Variants in DCX observed in about 807,000 individuals in gnomAD.
DCX encodes the protein doublecortin, also known as neuronal migration protein doublecortin.
DCX carries 4 observed loss-of-function variants against 20.9 expected under a neutral mutation model. The observed-to-expected ratio is 0.19, with a 90% CI of 0.09 to 0.44. The LOEUF (loss-of-function observed/expected upper bound fraction) is 0.44, where lower values mean the gene tolerates loss of function less well. Ranked by LOEUF, DCX falls within the 20% of genes least tolerant of loss-of-function variation. The probability of loss-of-function intolerance (pLI) is 0.99; values close to 1 mark genes in which losing one functional copy is unlikely to be tolerated. For synonymous variants in DCX, 103 were observed against 111.4 expected (o/e 0.92, Z 0.47); for missense variants, 133 against 296.9 (o/e 0.45, Z 4.06).
rs1184034343 is a variant in DCX, at chrX:111,299,758, T to C, written c.*1929A>G. ...GGGGGCAAAAAGAGATCCTCATCAT[T>C]TGGGGTTCTTCAATTTCACCAGAAA... is the stretch of plus-strand genomic sequence containing the variant. On this transcript the variant is annotated 3_prime_UTR_variant, in exon 7 of 7. Coordinates refer to ENST00000636035, the MANE Select transcript of DCX (RefSeq NM_001195553.2). 3 of 111,466 alleles carry C rather than the reference T, an allele frequency of 2.7e-5. No individual in the cohort carries two copies. Among genetic ancestry groups the C allele is most frequent in the African/African-American group, 9.8e-5 (3 of 30,645 alleles). The allele number at this position is 111,466 out of a possible 1,213,427, so 9.2% of individuals were successfully genotyped here. A position where few individuals can be genotyped will look rare whatever the true frequency, so the allele number is the denominator to read the frequency against.
rs181927442 is a variant in DCX, at chrX:111,393,913, G to A, written c.705+7077C>T. On this transcript the variant is annotated intron_variant, in intron 3 of 6. Coordinates refer to ENST00000636035, the MANE Select transcript of DCX (RefSeq NM_001195553.2). The stretch of plus-strand genomic sequence containing the variant: ...AATACGAATAAGGATGGAAAATGGT[G>A]CAGCCACTTTGGAAAACCATTTGAC... Among the ~76,000 whole-genome samples the A allele has an allele frequency of 1.5e-3, 167 of 111,175 alleles. 1 individual carries two copies. Among genetic ancestry groups the A allele is most frequent in the African/African-American group, 5.2e-3 (159 of 30,698 alleles).
At chrX:111,353,849 C>T (rs989296921) in intron 3 of DCX, among the ~76,000 whole-genome samples, 3 of 111,678 alleles carry the variant, frequency 2.7e-5, no homozygotes, top group African/African-American at 9.8e-5. Context: ...ACTTCTGTTA[C>T]AATTTAATTC....
At chrX:111,351,486 C>T (rs1352180021) in intron 3 of DCX, among the ~76,000 whole-genome samples, 2 of 112,259 alleles carry the variant, frequency 1.8e-5, no homozygotes, top group African/African-American at 3.2e-5. Context: ...AGCATGTAAA[C>T]CATCTATTAA....
chrX:111,387,903 C>T (rs779814932), intron 3 of DCX, among the ~76,000 whole-genome samples: 1 of 111,303 alleles, frequency 9.0e-6, no homozygotes, highest in East Asian at 2.9e-4. Flanking sequence ...GGAGAAGTAT[C>T]GGCTTGGTGC....
At chrX:111,328,711 A>G (rs1434287750) in intron 5 of DCX, among the ~76,000 whole-genome samples, 1 of 111,723 alleles carries the variant, frequency 9.0e-6, no homozygotes, top group Non-Finnish European at 1.9e-5. Context: ...TGGAGACTAG[A>G]TCACAAAAGG....
chrX:111,408,851 C>G (rs2147274360), intron 2 of DCX, among the ~76,000 whole-genome samples: 1 of 111,653 alleles, frequency 9.0e-6, no homozygotes, highest in South Asian at 3.8e-4. Flanking sequence ...CCTCATTCTC[C>G]TTTGTCTAGG....
chrX:111,328,138 T>C (rs1344050292), intron 5 of DCX, among the ~76,000 whole-genome samples: 1 of 112,212 alleles, frequency 8.9e-6, no homozygotes, highest in Non-Finnish European at 1.9e-5. Flanking sequence ...GCCAAGCAAA[T>C]TCCCCTCATA....
chrX:111,398,759 C>A (rs989001175), intron 3 of DCX, among the ~76,000 whole-genome samples: 5 of 111,159 alleles, frequency 4.5e-5, no homozygotes, highest in African/African-American at 1.3e-4. Context: ...AAGCAGAATG[C>A]CAAGGCATGG....
chrX:111,396,093 G>A (rs752391619), intron 3 of DCX, among the ~76,000 whole-genome samples: 70 of 112,389 alleles, frequency 6.2e-4, no homozygotes, highest in Non-Finnish European at 2.1e-4. Context: ...AACGTGGAAA[G>A]GGCAAGTCTT....
intron 6 of DCX, among the ~76,000 whole-genome samples, chrX:111,308,778 AT>A (rs1186292427): frequency 8.9e-6 from 1 of 112,060 alleles, no homozygotes; most frequent in Admixed American, 9.5e-5. Context: ...TGCATACAAA[AT>A]GCCTCTAAAT....
intron 3 of DCX, among the ~76,000 whole-genome samples, chrX:111,378,214 T>G (rs1925692380): frequency 8.9e-6 from 1 of 111,986 alleles, no homozygotes; most frequent in Non-Finnish European, 1.9e-5. Context: ...ACCATCTGTA[T>G]TTTTAAAACT....
chrX:111,375,231 C>A (rs865976080), intron 3 of DCX, among the ~76,000 whole-genome samples: 16 of 107,934 alleles, frequency 1.5e-4, no homozygotes, highest in African/African-American at 4.7e-4. Flanking sequence ...AACACACACA[C>A]AAAAAAGGAA....
chrX:111,362,630 G>A (rs1439201378), intron 3 of DCX, among the ~76,000 whole-genome samples: 1 of 111,646 alleles, frequency 9.0e-6, no homozygotes, highest in African/African-American at 3.3e-5. Flanking sequence ...ACCTTCCTAG[G>A]TTAGAAGGCA....
chrX:111,300,547 A>C lies in DCX; in HGVS notation c.*1140T>G, dbSNP rs1381756121. The C allele has an allele frequency of 9.0e-6, 1 of 111,684 alleles. No homozygotes were observed. The highest frequency in any genetic ancestry group is 3.3e-5 in the African/African-American group (1 of 30,657). 9.2% of individuals were successfully genotyped at this position (111,684 alleles called of 1,213,427 possible). Reference sequence around the variant, plus strand: ...TCTATTGAATTGGCCTCTGCTATTCATCTTGTTTTCTCCTGGAGGTTACTG... The same window carrying C: ...TCTATTGAATTGGCCTCTGCTATTCCTCTTGTTTTCTCCTGGAGGTTACTG... On this transcript the variant is annotated 3_prime_UTR_variant, in exon 7 of 7. Coordinates refer to ENST00000636035, the MANE Select transcript of DCX (RefSeq NM_001195553.2).
rs937327472 is a variant in DCX at position 111,304,630 on chromosome X, T to G, written c.1045-2887A>C. The stretch of plus-strand genomic sequence containing the variant: ...GAAACTCCCATTTGCTAGGTTCTTC[T>G]TTTTTTAACCTGACTCAGAGCACAC... On this transcript the variant is annotated intron_variant, in intron 6 of 6. Coordinates refer to ENST00000636035, the MANE Select transcript of DCX (RefSeq NM_001195553.2). 2.0e-4 allele frequency among the ~76,000 whole-genome samples: 22 copies of G among 111,663 alleles called. 1 individual carries two copies. The highest frequency in any genetic ancestry group is 1.5e-3 in the Admixed American group (16 of 10,478).
At position 111,318,288 on chromosome X, in the gene DCX, T is replaced by C. The variant is rs748330237; in HGVS notation, c.947-5552A>G. On this transcript the variant is annotated intron_variant, in intron 5 of 6. Transcript: ENST00000636035. Reference sequence around the variant, plus strand: ...GTGGGAGTGTAAATTACTTCAACCATTGTGAAAAGCAGTGTGGTGGTTCCT... The same window carrying C: ...GTGGGAGTGTAAATTACTTCAACCACTGTGAAAAGCAGTGTGGTGGTTCCT... Among the ~76,000 whole-genome samples the C allele has an allele frequency of 4.1e-4, 43 of 106,087 alleles. No individual in the cohort carries two copies. The East Asian group carries it at 0.012, about 29-fold the overall frequency. 92.1% of individuals were successfully genotyped at this position (106,087 alleles called of 115,157 possible).
At chrX:111,348,684 G>A (rs1923044964) in intron 3 of DCX, among the ~76,000 whole-genome samples, 1 of 110,160 alleles carries the variant, frequency 9.1e-6, no homozygotes, top group African/African-American at 3.3e-5. Context: ...TAAGCCCTAA[G>A]GTTGGCTCTG....
chrX:111,320,432 T>C (rs867929061), intron 5 of DCX, among the ~76,000 whole-genome samples: 55 of 111,850 alleles, frequency 4.9e-4, no homozygotes, highest in African/African-American at 1.6e-3. Context: ...ATTTTAAGAG[T>C]GGCTGGAAAT....
chrX:111,301,432 T>A lies in DCX; in HGVS notation c.*255A>T. On this transcript the variant is annotated 3_prime_UTR_variant, in exon 7 of 7. Coordinates refer to ENST00000636035, the MANE Select transcript of DCX (RefSeq NM_001195553.2). ...TTGAAAGGTCATGGACTAGCACATT[T>A]TGCATCCCTGGAATGCTGCCCCAAA... 2.4e-6 allele frequency: 1 copy of A among 421,790 alleles called. No individual in the cohort carries two copies. The highest frequency in any genetic ancestry group is 3.5e-5 in the South Asian group (1 of 28,764). The allele number at this position is 421,790 out of a possible 1,213,427, so 34.8% of individuals were successfully genotyped here.
Sources: gnomAD v4.1 joint callset for allele counts (sites outside exome capture counted in the v4.1 genomes callset) on GRCh38, gnomAD v4.1.1 for gene constraint, MANE v1.5 for transcripts, NCBI Gene and HGNC (gene_info 2026-07-23, HGNC 2026-07-21) for gene names.